TCN2: variants seen among roughly 807,000 people sequenced by gnomAD.
TCN2 encodes transcobalamin-2.
Under a neutral mutation model 48.6 loss-of-function variants are expected in TCN2, and 34 were observed. The ratio of observed to expected loss-of-function variants is 0.70; its 90% CI spans 0.53 to 0.93. The LOEUF (loss-of-function observed/expected upper bound fraction) is 0.93, where lower values mean the gene tolerates loss of function less well. Ranked by LOEUF, TCN2 falls within the 40% of genes least tolerant of loss-of-function variation. The pLI, the probability that TCN2 is intolerant of heterozygous loss-of-function variation, is 0.00. For missense variants in TCN2, 652 were observed against 526.1 expected (o/e 1.24, Z -2.34); for synonymous variants, 283 against 212.5 (o/e 1.33, Z -2.89).
rs139790649 is a variant in TCN2 at position 30,607,241 on chromosome 22, G to A, written c.-91G>A. On this transcript the variant is annotated 5_prime_UTR_variant, in exon 1 of 9. Transcript: ENST00000215838. ...GACAGGAAGCTGCGTCTCTCGGAGC[G>A]GTGACCAGCTGTGGTCAGGAGAGCC... The A allele has an allele frequency of 4.8e-4, 647 of 1,359,370 alleles. 2 individuals are homozygous for A. In the African/African-American group the frequency reaches 8.2e-3, roughly 17 times the overall value. 84.2% of individuals were successfully genotyped at this position (1,359,370 alleles called of 1,614,324 possible).
intron 1 of TCN2, 63 bp downstream of exon 1, chr22:30,607,458 C>T: frequency 6.3e-7 from 1 of 1,592,346 alleles, no homozygotes; most frequent in Non-Finnish European, 8.6e-7. Flanking sequence ...GTGGCTAGGG[C>T]ATAGGATGAG....
Position 30,610,276 on chromosome 22 carries a change from A to G in TCN2, c.65-595A>G, listed in dbSNP as rs549112283. ...GTTATTTTGAGATCTGCATGGAGGAAGTTCACCAGGCAGCCTCAATTCACC... is the reference window on the plus strand; with the variant it reads ...GTTATTTTGAGATCTGCATGGAGGAGGTTCACCAGGCAGCCTCAATTCACC... On this transcript the variant is annotated intron_variant, in intron 1 of 8. Transcript: ENST00000215838. 2.0e-3 allele frequency: 964 copies of G among 471,162 alleles called. 12 individuals carry two copies. Among genetic ancestry groups the G allele is most frequent in the South Asian group, 0.015 (947 of 64,562 alleles). The allele number at this position is 471,162 out of a possible 1,614,324, so 29.2% of individuals were successfully genotyped here.
chr22:30,610,119 G>T, intron 1 of TCN2: 1 of 452,428 alleles, frequency 2.2e-6, no homozygotes. Context: ...CAGAGTGTTT[G>T]AGTATTTTCG....
chr22:30,623,716 A>G (rs1373972331), intron 8 of TCN2, among the ~76,000 whole-genome samples: 1 of 109,966 alleles, frequency 9.1e-6, no homozygotes, highest in Non-Finnish European at 1.9e-5. Context: ...ATATATACAG[A>G]CACACATATA....
chr22:30,612,924 C>T lies in TCN2; in HGVS notation c.309C>T (p.Gly103=). Residue 103 remains glycine, a synonymous_variant, in exon 3 of 9, where the codon GGC becomes GGT. Coordinates refer to ENST00000215838, the MANE Select transcript of TCN2 (RefSeq NM_000355.4). ...ACTGCCAGGGCAAGCCTTCCATGGG[C>T]CAGCTGGCCCTCTACCTGCTCGCTC... ...DGDCQGKPSM[G]QLALYLLALR... 6.2e-7 allele frequency: 1 copy of T among 1,614,172 alleles called. No individual in the cohort carries two copies. Among genetic ancestry groups the T allele is most frequent in the Non-Finnish European group, 8.5e-7 (1 of 1,180,044 alleles).
chr22:30,624,091 TTG>T, intron 8 of TCN2, among the ~76,000 whole-genome samples: 1 of 135,056 alleles, frequency 7.4e-6, no homozygotes, highest in Admixed American at 7.8e-5. Context: ...TTTTTTTTTT[TTG>T]AGATGGAGTC....
At position 30,615,310 on chromosome 22, in the gene TCN2, C is replaced by G. The variant is rs754756700; in HGVS notation, c.590C>G (p.Ala197Gly). The G allele has an allele frequency of 6.2e-7, 1 of 1,614,212 alleles. No individual in the cohort carries two copies. The highest frequency in any genetic ancestry group is 1.1e-5 in the South Asian group (1 of 91,080). ...TGTCCCCCACTTCAAGACACAGCAG[C>G]CATGGCAGGCTTGGCATTCACCTGT... is the stretch of plus-strand genomic sequence containing the variant. ...HQGHHSVDTA[A>G]MAGLAFTCLK... is the part of the protein sequence containing the mutation. The change falls in exon 5 of 9, where the codon GCC becomes GGC. Residue 197 changes from alanine to glycine, a missense_variant. Coordinates refer to ENST00000215838, the MANE Select transcript of TCN2 (RefSeq NM_000355.4).
intron 1 of TCN2, among the ~76,000 whole-genome samples, chr22:30,607,897 T>C (rs1012030253): frequency 2.6e-5 from 4 of 152,044 alleles, no homozygotes; most frequent in African/African-American, 9.7e-5. Context: ...TAGCTGGGCA[T>C]GGGGAAGACT....
rs375896911 is a variant in TCN2, at chr22:30,623,767, TATAC to T, written c.1222+686_1222+689del. 2.0e-4 allele frequency among the ~76,000 whole-genome samples: 14 copies of T among 69,690 alleles called. 4 individuals carry two copies. The highest frequency in any genetic ancestry group is 7.1e-4 in the Admixed American group (4 of 5,600). The allele number at this position is 69,690 out of a possible 152,430, so 45.7% of individuals were successfully genotyped here. ...ATACACACATATATATGTATATATA[TATAC>T]ACACATATATATGTATACATATATA... On this transcript the variant is annotated intron_variant, in intron 8 of 8. Transcript: ENST00000215838.
chr22:30,613,064 G>C (rs781475791), intron 3 of TCN2, 22 bp downstream of exon 3: 2 of 1,613,174 alleles, frequency 1.2e-6, no homozygotes, highest in African/African-American at 1.3e-5. Context: ...CCATCCGCTG[G>C]GGGTGGGGAG....
rs2087738664 is a variant in TCN2 at position 30,623,763 on chromosome 22, T to TATATACACACATGTATAC, written c.1222+685_1222+686insCACACATGTATACATATA. On this transcript the variant is annotated intron_variant, in intron 8 of 8. Transcript: ENST00000215838. ...ATATATACACACATATATATGTATA[T>TATATACACACATGTATAC]ATATATACACACATATATATGTATA... is the stretch of plus-strand genomic sequence containing the variant. 2.4e-4 allele frequency among the ~76,000 whole-genome samples: 8 copies of TATATACACACATGTATAC among 33,152 alleles called. 3 individuals carry two copies. The highest frequency in any genetic ancestry group is 1.9e-3 in the African/African-American group (6 of 3,142). 21.7% of individuals were successfully genotyped at this position (33,152 alleles called of 152,430 possible).
rs548455990 is a variant in TCN2, at chr22:30,619,359, C to T, written c.1106+1864C>T. Among the ~76,000 whole-genome samples, 568 of 152,350 alleles carry T rather than the reference C, an allele frequency of 3.7e-3. 2 individuals carry two copies. Among genetic ancestry groups the T allele is most frequent in the South Asian group, 7.0e-3 (34 of 4,828 alleles). ...CCTCCCAAAGTGCTGAGATAACAGG[C>T]GTGAGCCGCCGTGGCTGGCCAGAAT... On this transcript the variant is annotated intron_variant, in intron 7 of 8. Coordinates refer to ENST00000215838, the MANE Select transcript of TCN2 (RefSeq NM_000355.4).
intron 8 of TCN2, among the ~76,000 whole-genome samples, chr22:30,624,591 G>A (rs1304491742): frequency 6.6e-6 from 1 of 152,144 alleles, no homozygotes; most frequent in Non-Finnish European, 1.5e-5. Flanking sequence ...AGGAGCTACA[G>A]ATGGAGACCC....
chr22:30,617,211 A>G, intron 6 of TCN2, 119 bp from the exon 7 acceptor site: 4 of 1,380,768 alleles, frequency 2.9e-6, no homozygotes, highest in East Asian at 4.8e-5. Context: ...GGTGGCATTG[A>G]TGGAGATGAG....
Position 30,622,882 on chromosome 22 carries a change from G to A in TCN2, c.1107-86G>A, listed in dbSNP as rs759606184. The A allele has an allele frequency of 5.5e-4, 766 of 1,395,734 alleles. 10 individuals are homozygous for A. Among genetic ancestry groups the A allele is most frequent in the Non-Finnish European group, 1.1e-4 (106 of 981,926 alleles). The allele number at this position is 1,395,734 out of a possible 1,614,324, so 86.5% of individuals were successfully genotyped here. Reference sequence around the variant, plus strand: ...GTGTCGGCCCAAAGAGCTTGGAAGGGATTTTGCTGCTGTGGGTGAGCACTG... The same window carrying A: ...GTGTCGGCCCAAAGAGCTTGGAAGGAATTTTGCTGCTGTGGGTGAGCACTG... On this transcript the variant is annotated intron_variant, in intron 7 of 8. Coordinates refer to ENST00000215838, the MANE Select transcript of TCN2 (RefSeq NM_000355.4).
chr22:30,624,489 G>C (rs1407097435), intron 8 of TCN2, among the ~76,000 whole-genome samples: 1 of 152,154 alleles, frequency 6.6e-6, no homozygotes, highest in African/African-American at 2.4e-5. Context: ...ATTGTGGCGA[G>C]TGCTTATAGA....
chr22:30,610,044 A>G (rs1281770727), intron 1 of TCN2, among the ~76,000 whole-genome samples: 3 of 152,160 alleles, frequency 2.0e-5, no homozygotes, highest in Non-Finnish European at 2.9e-5. Context: ...CTCCGAGGCA[A>G]ACTACTCTAA....
At chr22:30,613,167 A>G (rs1285611339) in intron 3 of TCN2, 125 bp downstream of exon 3, 4 of 1,354,172 alleles carry the variant, frequency 3.0e-6, no homozygotes, top group South Asian at 1.3e-5. Context: ...CATTCTGCCC[A>G]TCTCACTGCC....
intron 8 of TCN2, among the ~76,000 whole-genome samples, chr22:30,624,096 A>T (rs1461963733): frequency 7.5e-6 from 1 of 132,706 alleles, no homozygotes; most frequent in Non-Finnish European, 1.6e-5. Context: ...TTTTTTTGAG[A>T]TGGAGTCTTG....
Sources: allele counts gnomAD v4.1 joint callset (sites outside exome capture counted in the v4.1 genomes callset), GRCh38; gene constraint gnomAD v4.1.1; transcripts MANE v1.5; gene names NCBI Gene and HGNC (gene_info 2026-07-23, HGNC 2026-07-21).